The following CACNA1H variants were observed in gnomAD, a reference collection of about 807,000 sequenced individuals.
CACNA1H encodes voltage-dependent T-type calcium channel subunit alpha-1H.
CACNA1H carries 149 observed loss-of-function variants against 192.5 expected under a neutral mutation model. The observed-to-expected ratio is 0.77, with a 90% CI of 0.68 to 0.89. The LOEUF is 0.89. Among genes scored for constraint, CACNA1H ranks in the 40% least tolerant of loss-of-function variants. CACNA1H has a pLI of 0.00. For synonymous variants in CACNA1H, 2,202 were observed against 1,475.2 expected (o/e 1.49, Z -11.29); for missense variants, 4,257 against 3,423.5 (o/e 1.24, Z -6.08).
intron 2 of CACNA1H, among the ~76,000 whole-genome samples, chr16:1,166,729 G>A (rs1340830623): frequency 2.0e-5 from 3 of 152,114 alleles, no homozygotes; most frequent in East Asian, 1.9e-4. Flanking sequence ...CTCGAGCTTT[G>A]TGCGGGCCGG....
At position 1,215,227 on chromosome 16, in the gene CACNA1H, C is replaced by T. The variant is rs1370328793; in HGVS notation, c.5040-15C>T. ...GGGGACCCCAGACGTGTGCGCTGAG[C>T]CTCCGGCCACACAGGTGGAACCAGC... On this transcript the variant is annotated splice_polypyrimidine_tract_variant and intron_variant, in intron 28 of 34. Transcript: ENST00000348261. The T allele has an allele frequency of 1.9e-6, 3 of 1,596,308 alleles. No homozygotes were observed. The highest frequency in any genetic ancestry group is 2.6e-6 in the Non-Finnish European group (3 of 1,171,102).
intron 2 of CACNA1H, among the ~76,000 whole-genome samples, chr16:1,183,452 T>C (rs1461765766): frequency 1.3e-5 from 2 of 152,200 alleles, no homozygotes; most frequent in East Asian, 3.9e-4. Flanking sequence ...CTTGTCTCCA[T>C]GGCAGCGGCC....
intron 31 of CACNA1H, 27 bp downstream of exon 31, chr16:1,217,037 G>C (rs767922167): frequency 3.2e-6 from 5 of 1,556,644 alleles, no homozygotes; most frequent in Middle Eastern, 1.7e-4. Context: ...CCCTCCTCCT[G>C]GCACACATGG....
At chr16:1,194,946 G>T (rs773324169) in intron 2 of CACNA1H, 26 bp from the exon 3 acceptor site, 1 of 1,555,206 alleles carries the variant, frequency 6.4e-7, no homozygotes, top group Non-Finnish European at 8.9e-7. Flanking sequence ...GGCCGCGCCG[G>T]TGTGCTCCTT....
Position 1,215,734 on chromosome 16 carries a change from G to A in CACNA1H, c.5244+141G>A, listed in dbSNP as rs944581452. On this transcript the variant is annotated intron_variant, in intron 30 of 34. Coordinates refer to ENST00000348261, the MANE Select transcript of CACNA1H (RefSeq NM_021098.3). ...GGCTGAAGCTGCGTCCCTGCTGTGT[G>A]CAGTGCATGGCTTGGCTGGGCTGGC... The A allele has an allele frequency of 7.0e-5, 49 of 695,824 alleles. No individual in the cohort carries two copies. In the African/African-American group the frequency reaches 7.2e-4, roughly 10 times the overall value. 43.1% of individuals were successfully genotyped at this position (695,824 alleles called of 1,614,324 possible).
At chr16:1,158,275 G>A (rs1962696651) in intron 2 of CACNA1H, among the ~76,000 whole-genome samples, 2 of 152,216 alleles carry the variant, frequency 1.3e-5, no homozygotes, top group Admixed American at 6.5e-5. Context: ...AGGGCTCAGG[G>A]GGAGGGGCCT....
At chr16:1,179,091 C>G (rs1294359679) in intron 2 of CACNA1H, among the ~76,000 whole-genome samples, 3 of 151,982 alleles carry the variant, frequency 2.0e-5, no homozygotes, top group Admixed American at 2.0e-4. Context: ...AGGGTTCAGC[C>G]CTCCCTGCAC....
chr16:1,207,974 T>C (rs1449525172), intron 15 of CACNA1H, 39 bp from the exon 16 acceptor site: 1 of 1,563,454 alleles, frequency 6.4e-7, no homozygotes, highest in East Asian at 2.4e-5. Context: ...CCTGGGAGCC[T>C]GGCAGCTCTA....
rs960225573 is a variant in CACNA1H, at chr16:1,153,875, C to T, written c.138C>T (p.Leu46=). 88 of 1,406,948 alleles carry T rather than the reference C, an allele frequency of 6.3e-5. No homozygotes were observed. The highest frequency in any genetic ancestry group is 7.7e-5 in the Non-Finnish European group (83 of 1,077,254). 87.2% of individuals were successfully genotyped at this position (1,406,948 alleles called of 1,614,324 possible). A position where few individuals can be genotyped will look rare whatever the true frequency, so the allele number is the denominator to read the frequency against. Residue 46 remains leucine (L), a synonymous_variant, in exon 2 of 35, where the codon CTC becomes CTT. Coordinates refer to ENST00000348261, the MANE Select transcript of CACNA1H (RefSeq NM_021098.3). ...PGREAERGSE[L]GVSPSESPAA... is the part of the protein sequence containing the mutation. ...GCGAGGCGGAGCGGGGGTCCGAGCT[C>T]GGCGTGTCACCCTCCGAGAGCCCGG... is the stretch of plus-strand genomic sequence containing the variant.
chr16:1,204,622 G>C (rs1484232959), intron 10 of CACNA1H, among the ~76,000 whole-genome samples, 164 bp downstream of exon 10: 1 of 152,208 alleles, frequency 6.6e-6, no homozygotes, highest in Non-Finnish European at 1.5e-5. Context: ...GGTGTGCCGA[G>C]CCTCCACTGG....
rs574809183 is a variant in CACNA1H at position 1,204,235 on chromosome 16, C to T, written c.2228C>T (p.Thr743Met). The change falls in exon 10 of 35, where the codon ACG becomes ATG. Residue 743 changes from threonine (T) to methionine (M), a missense_variant. Transcript: ENST00000348261. The part of the protein sequence containing the change: ...DVRHGDRWDP[T>M]RPPRATDTPG... ...CGGCACGGTGACCGCTGGGACCCCA[C>T]GCGACCACCCCGTGCGACGGACACA... The T allele has an allele frequency of 2.1e-5, 34 of 1,611,054 alleles. No homozygotes were observed. Among genetic ancestry groups the T allele is most frequent in the Admixed American group, 1.0e-4 (6 of 59,840 alleles).
At chr16:1,171,525 G>T (rs927427862) in intron 2 of CACNA1H, among the ~76,000 whole-genome samples, 14 of 152,330 alleles carry the variant, frequency 9.2e-5, no homozygotes, top group Admixed American at 9.1e-4. Context: ...TGGAGATGGG[G>T]GTCAGGGTGG....
intron 2 of CACNA1H, among the ~76,000 whole-genome samples, chr16:1,187,086 C>T (rs1336844410): frequency 1.3e-5 from 2 of 152,280 alleles, no homozygotes; most frequent in African/African-American, 4.8e-5. Context: ...ACCGTCCCCT[C>T]CGCACTGCGG....
At chr16:1,189,621 T>G (rs1360695639) in intron 2 of CACNA1H, among the ~76,000 whole-genome samples, 2 of 151,998 alleles carry the variant, frequency 1.3e-5, no homozygotes, top group Admixed American at 6.6e-5. Flanking sequence ...GGGGTCTCAC[T>G]GTGTTGCCCA....
intron 2 of CACNA1H, among the ~76,000 whole-genome samples, chr16:1,161,715 A>G (rs1963218754): frequency 6.6e-6 from 1 of 152,112 alleles, no homozygotes; most frequent in Non-Finnish European, 1.5e-5. Context: ...CGGTCCCGGG[A>G]GATAGGCTGT....
intron 2 of CACNA1H, among the ~76,000 whole-genome samples, chr16:1,191,348 T>G (rs1596370570): frequency 8.5e-6 from 1 of 117,804 alleles, no homozygotes. Context: ...ACTCGGGGTC[T>G]CTGACCCAGC....
Position 1,184,018 on chromosome 16 carries a change from C to T in CACNA1H, c.300-10954C>T, listed in dbSNP as rs574067367. ...CCGGTGCTTCATCGGATGCCAGGGACAGAAGAGTCAAGGCCAGCCGGGCTG... is the reference window on the plus strand; with the variant it reads ...CCGGTGCTTCATCGGATGCCAGGGATAGAAGAGTCAAGGCCAGCCGGGCTG... On this transcript the variant is annotated intron_variant, in intron 2 of 34. Transcript: ENST00000348261. Among the ~76,000 whole-genome samples the T allele has an allele frequency of 2.6e-5, 4 of 152,322 alleles. No homozygotes were observed. In the South Asian group the frequency reaches 8.3e-4, roughly 32 times the overall value.
At chr16:1,214,076 G>C in intron 27 of CACNA1H, 145 bp downstream of exon 27, 1 of 722,372 alleles carries the variant, frequency 1.4e-6, no homozygotes, top group Non-Finnish European at 2.3e-6. Context: ...GTGAACACGG[G>C]TCTTTTAATG....
At chr16:1,194,600 A>G (rs930239101) in intron 2 of CACNA1H, among the ~76,000 whole-genome samples, 3 of 152,182 alleles carry the variant, frequency 2.0e-5, no homozygotes, top group African/African-American at 4.8e-5. Context: ...CGGGAGCCCT[A>G]TGCAACCTGG....
Sources: allele counts gnomAD v4.1 joint callset (sites outside exome capture counted in the v4.1 genomes callset), GRCh38; gene constraint gnomAD v4.1.1; transcripts MANE v1.5; gene names NCBI Gene and HGNC (gene_info 2026-07-23, HGNC 2026-07-21).